PHKB: variants seen among roughly 807,000 people sequenced by gnomAD.
The protein encoded by PHKB is phosphorylase b kinase regulatory subunit beta.
In PHKB, 122 loss-of-function variants were observed where a neutral mutation model predicts 152.1. That is an observed-to-expected ratio of 0.80 (90% confidence interval 0.69 to 0.93). The LOEUF (loss-of-function observed/expected upper bound fraction) is 0.93. Among genes scored for constraint, PHKB ranks in the 40% least tolerant of loss-of-function variants. PHKB has a pLI of 0.00. For synonymous variants in PHKB, 436 were observed against 464.9 expected, an observed-to-expected ratio of 0.94 and a Z score of 0.80; for missense variants, 1,304 against 1,328.4, an observed-to-expected ratio of 0.98 and a Z score of 0.29.
chr16:47,649,012 G>GTTTTTA, intron 17 of PHKB, 88 bp from the exon 18 acceptor site: 1 of 786,776 alleles, frequency 1.3e-6, no homozygotes, highest in Middle Eastern at 2.3e-4. Context: ...TTAGACATCA[G>GTTTTTA]TTTTTATTTT....
intron 7 of PHKB, among the ~76,000 whole-genome samples, chr16:47,573,893 T>G (rs1005562537): frequency 2.0e-5 from 3 of 152,106 alleles, no homozygotes; most frequent in Admixed American, 6.5e-5. Flanking sequence ...CCTCCATCCC[T>G]GCTAGGGTGT....
chr16:47,506,027 C>CAAAAAAAAAAAAA (rs1198434467), intron 4 of PHKB, among the ~76,000 whole-genome samples: 1 of 50,266 alleles, frequency 2.0e-5, no homozygotes, highest in Non-Finnish European at 4.1e-5. Context: ...GAAACTGTCT[C>CAAAAAAAAAAAAA]AAAAAAAAAA....
chr16:47,601,413 C>T (rs1224122482), intron 13 of PHKB, among the ~76,000 whole-genome samples: 1 of 152,048 alleles, frequency 6.6e-6, no homozygotes, highest in Non-Finnish European at 1.5e-5. Context: ...TTTTAAAAAT[C>T]TGACTTCTAG....
In PHKB at chr16:47,699,299, C is replaced by T. The variant is rs775709533; in HGVS notation, c.3215C>T (p.Ala1072Val). The change falls in exon 31 of 31, where the codon GCG becomes GTG. Residue 1072 changes from alanine to valine, a missense_variant. Transcript: ENST00000323584. ...GGAACATGCAGCTATTTGACAAAGG[C>T]GGTGATGAATCTGCTGCTGGAAGGA... The part of the protein sequence containing the change: ...KRGTCSYLTK[A>V]VMNLLLEGEV... 21 of 1,613,898 alleles carry T rather than the reference C, an allele frequency of 1.3e-5. No homozygotes were observed. Among genetic ancestry groups the T allele is most frequent in the Non-Finnish European group, 1.6e-5 (19 of 1,179,880 alleles).
At chr16:47,468,511 G>C (rs2151626918) in intron 1 of PHKB, among the ~76,000 whole-genome samples, 1 of 152,320 alleles carries the variant, frequency 6.6e-6, no homozygotes, top group African/African-American at 2.4e-5. Flanking sequence ...AAATTAGCCA[G>C]GTATGGTGGC....
At chr16:47,571,475 T>C (rs1266467289) in intron 7 of PHKB, among the ~76,000 whole-genome samples, 1 of 152,086 alleles carries the variant, frequency 6.6e-6, no homozygotes, top group African/African-American at 2.4e-5. Context: ...CTCCCTGTCG[T>C]TCCCCCTCAT....
In PHKB at chr16:47,461,346, G is replaced by A. The variant is rs1266044380; in HGVS notation, c.-5G>A. On this transcript the variant is annotated 5_prime_UTR_variant, in exon 1 of 31. Coordinates refer to ENST00000323584, the MANE Select transcript of PHKB (RefSeq NM_000293.3). ...GGCGGTGGCCAAGGCGGCGACCGGA[G>A]CGCGATGGCGGGGGCGGCGGGACTC... 9 of 1,607,982 alleles carry A rather than the reference G, an allele frequency of 5.6e-6. No homozygotes were observed. In the African/African-American group the frequency reaches 1.2e-4, roughly 21 times the overall value.
At position 47,693,307 on chromosome 16, in the gene PHKB, A is replaced by G. The variant is rs1171655026; in HGVS notation, c.2766-71A>G. 1.3e-5 allele frequency: 19 copies of G among 1,500,880 alleles called. No homozygotes were observed. The East Asian group carries it at 3.8e-4, about 30-fold the overall frequency. 93.0% of individuals were successfully genotyped at this position (1,500,880 alleles called of 1,614,324 possible). On this transcript the variant is annotated intron_variant, in intron 27 of 30. Transcript: ENST00000323584. ...CTTACCCTATCAGAACAATTAGTTC[A>G]TATTGAAAGCCCTGCTGTCTACCAG...
intron 20 of PHKB, among the ~76,000 whole-genome samples, chr16:47,652,931 C>T (rs192642699): frequency 1.3e-5 from 2 of 152,252 alleles, no homozygotes; most frequent in East Asian, 1.9e-4. Context: ...GCATAAGCCA[C>T]TGCAACCAAC....
chr16:47,622,332 G>T (rs573601775), intron 14 of PHKB, among the ~76,000 whole-genome samples: 1 of 152,066 alleles, frequency 6.6e-6, no homozygotes, highest in South Asian at 2.1e-4. Context: ...ATCAATTAAC[G>T]CCTTCTAGCT....
chr16:47,587,422 G>A (rs1971953133), intron 8 of PHKB, among the ~76,000 whole-genome samples: 1 of 152,024 alleles, frequency 6.6e-6, no homozygotes, highest in South Asian at 2.1e-4. Context: ...AGTACATTTT[G>A]ATTTATAAGA....
chr16:47,558,081 G>T (rs983495217), intron 7 of PHKB, among the ~76,000 whole-genome samples: 17 of 151,300 alleles, frequency 1.1e-4, no homozygotes, highest in African/African-American at 3.6e-4. Context: ...CATGTCCTTT[G>T]TAGGGACATG....
intron 14 of PHKB, among the ~76,000 whole-genome samples, chr16:47,615,325 G>A (rs572166292): frequency 1.3e-5 from 2 of 152,316 alleles, no homozygotes; most frequent in South Asian, 4.1e-4. Flanking sequence ...ACACTGTGGA[G>A]TCAGGAAAGC....
At chr16:47,693,609 A>T in intron 28 of PHKB, 102 bp downstream of exon 28, 2 of 1,254,874 alleles carry the variant, frequency 1.6e-6, no homozygotes, top group Non-Finnish European at 2.3e-6. Context: ...TCAGCGTTCT[A>T]AGAGTATTTT....
intron 26 of PHKB, among the ~76,000 whole-genome samples, chr16:47,680,083 A>G (rs1054238706): frequency 6.6e-6 from 1 of 152,118 alleles, no homozygotes; most frequent in Non-Finnish European, 1.5e-5. Flanking sequence ...ATTGATTTTC[A>G]TATGTTGAAC....
chr16:47,641,115 G>GT lies in PHKB; in HGVS notation c.1514+32dup, dbSNP rs747552305. 11 of 1,535,658 alleles carry GT rather than the reference G, an allele frequency of 7.2e-6. No individual in the cohort carries two copies. The South Asian group carries it at 9.0e-5, about 12-fold the overall frequency. On this transcript the variant is annotated intron_variant, in intron 15 of 30. Transcript: ENST00000323584. ...GGTATGAAATCCAAGTGGGTGGTGT[G>GT]TTTTTTTGTGGGGAGGGGAGGGGAG...
At chr16:47,599,404 A>G (rs899620548) in intron 13 of PHKB, among the ~76,000 whole-genome samples, 1 of 152,190 alleles carries the variant, frequency 6.6e-6, no homozygotes, top group African/African-American at 2.4e-5. Flanking sequence ...GATAAAATTG[A>G]CAAGGCTAGT....
chr16:47,525,628 C>T (rs893102053), intron 6 of PHKB, among the ~76,000 whole-genome samples: 1 of 152,186 alleles, frequency 6.6e-6, no homozygotes, highest in Non-Finnish European at 1.5e-5. Flanking sequence ...ATCTGCCCCA[C>T]CGTGTGTTTT....
At chr16:47,636,669 C>A (rs184838035) in intron 14 of PHKB, among the ~76,000 whole-genome samples, 227 of 152,350 alleles carry the variant, frequency 1.5e-3, no homozygotes, top group Non-Finnish European at 2.8e-3. Flanking sequence ...GCCTCAGCCC[C>A]CTCTGGGCTT....
Sources: allele counts gnomAD v4.1 joint callset (sites outside exome capture counted in the v4.1 genomes callset), GRCh38; gene constraint gnomAD v4.1.1; transcripts MANE v1.5; gene names NCBI Gene and HGNC (gene_info 2026-07-23, HGNC 2026-07-21).